Variants in WBP4 observed in about 807,000 individuals in gnomAD.
The protein encoded by WBP4 is WW domain-binding protein 4.
Under a neutral mutation model 55.4 loss-of-function variants are expected in WBP4, and 37 were observed. The observed-to-expected ratio is 0.67, with a 90% CI of 0.51 to 0.88. The LOEUF (loss-of-function observed/expected upper bound fraction) is 0.88. Among genes scored for constraint, WBP4 ranks in the 40% least tolerant of loss-of-function variants. The pLI is 0.00. For missense variants in WBP4, 398 were observed against 420.8 expected (o/e 0.95, Z 0.47); for synonymous variants, 142 against 140.2 (o/e 1.01, Z -0.09).
chr13:41,068,734 G>A lies in WBP4; in HGVS notation c.436G>A (p.Gly146Arg), dbSNP rs759182059. ...CCATTACTATTATGATCTTATCTCA[G>A]GAGGTAAGTCATTTAGGCATAAAAC... Reference protein sequence around the residue: ...GYHYYYDLISGASQWEKPEGF... With the variant: ...GYHYYYDLISRASQWEKPEGF... The change falls in exon 5 of 10, where the codon GGA becomes AGA. Residue 146 changes from glycine to arginine, a missense_variant. Gly to Arg is a moderately radical substitution (Grantham distance 125, BLOSUM62 -2). Transcript: ENST00000379487. 1.6e-5 allele frequency: 26 copies of A among 1,583,432 alleles called. No homozygotes were observed. Among genetic ancestry groups the A allele is most frequent in the Non-Finnish European group, 2.1e-5 (24 of 1,166,830 alleles).
Position 41,082,688 on chromosome 13 carries a change from T to G in WBP4, c.921-16T>G. ...TTACCCTGTCAAATAGAGTTTTACT[T>G]TAACTCTATTTCCAGTGAGGAGGTA... is the stretch of plus-strand genomic sequence containing the variant. On this transcript the variant is annotated splice_polypyrimidine_tract_variant and intron_variant, in intron 9 of 9. Transcript: ENST00000379487. 1 of 1,609,920 alleles carries G rather than the reference T, an allele frequency of 6.2e-7. No individual in the cohort carries two copies. The highest frequency in any genetic ancestry group is 8.5e-7 in the Non-Finnish European group (1 of 1,176,690).
chr13:41,080,766 C>G lies in WBP4; in HGVS notation c.877C>G (p.Pro293Ala), dbSNP rs138734404. 63 of 1,606,982 alleles carry G rather than the reference C, an allele frequency of 3.9e-5. No homozygotes were observed. In the African/African-American group the frequency reaches 8.3e-4, roughly 21 times the overall value. ...EKSKTLKKSNPYGEWQEIKQE... is the reference protein window; with the variant it reads ...EKSKTLKKSNAYGEWQEIKQE... ...ATCGAAAACTCTTAAGAAATCAAAC[C>G]CATATGGAGAATGGCAAGAAATTAA... Residue 293 changes from proline to alanine, a missense_variant, in exon 9 of 10, where the codon CCA (proline) becomes GCA (alanine). Pro to Ala is a conservative substitution (Grantham distance 27). Transcript: ENST00000379487.
chr13:41,081,834 A>G (rs1024315449), intron 9 of WBP4, among the ~76,000 whole-genome samples: 1 of 152,218 alleles, frequency 6.6e-6, no homozygotes, highest in Admixed American at 6.5e-5. Flanking sequence ...AATCCTTGGA[A>G]TAGATTGCCT....
rs201490842 is a variant in WBP4 at position 41,062,732 on chromosome 13, T to G, written c.75+16T>G. Reference sequence around the variant, plus strand: ...CAATAGGCCTGTATGATAATTCCGCTGTTAGAGATTCTAATAATAATTGTG... The same window carrying G: ...CAATAGGCCTGTATGATAATTCCGCGGTTAGAGATTCTAATAATAATTGTG... On this transcript the variant is annotated intron_variant, in intron 2 of 9. Transcript: ENST00000379487. 176 of 1,593,972 alleles carry G rather than the reference T, an allele frequency of 1.1e-4. 2 individuals carry two copies. The East Asian group carries it at 2.4e-3, about 22-fold the overall frequency.
At chr13:41,069,289 G>T (rs1392706994) in intron 5 of WBP4, among the ~76,000 whole-genome samples, 1 of 152,068 alleles carries the variant, frequency 6.6e-6, no homozygotes, top group African/African-American at 2.4e-5. Flanking sequence ...CACTTTTGAG[G>T]GGCCGAGGAG....
intron 8 of WBP4, 28 bp downstream of exon 8, chr13:41,076,265 T>G (rs1878483458): frequency 1.7e-6 from 1 of 577,908 alleles, no homozygotes; most frequent in Non-Finnish European, 2.8e-6. Context: ...ACTCTTCACA[T>G]CAAATTTTTT....
At chr13:41,081,908 C>T (rs1482698629) in intron 9 of WBP4, among the ~76,000 whole-genome samples, 1 of 152,224 alleles carries the variant, frequency 6.6e-6, no homozygotes, top group Non-Finnish European at 1.5e-5. Context: ...ACGCTCTCAG[C>T]TACTTAAACA....
At chr13:41,074,211 G>A (rs375017202) in intron 7 of WBP4, among the ~76,000 whole-genome samples, 5 of 152,190 alleles carry the variant, frequency 3.3e-5, no homozygotes, top group South Asian at 2.1e-4. Flanking sequence ...GATTACAGGC[G>A]TGAGCCACCG....
intron 8 of WBP4, among the ~76,000 whole-genome samples, 184 bp downstream of exon 8, chr13:41,076,421 G>GGT (rs1449167337): frequency 1.3e-5 from 2 of 151,792 alleles, no homozygotes; most frequent in Non-Finnish European, 2.9e-5. Flanking sequence ...TGGGACTACA[G>GGT]GTGTGTGCCA....
intron 8 of WBP4, among the ~76,000 whole-genome samples, chr13:41,078,339 A>G (rs1210899573): frequency 2.6e-5 from 4 of 152,222 alleles, no homozygotes; most frequent in African/African-American, 4.8e-5. Context: ...ATAAAGCCAC[A>G]TACCTACAAC....
chr13:41,071,477 AT>A (rs1157591943), intron 5 of WBP4, 49 bp from the exon 6 acceptor site: 2 of 1,545,376 alleles, frequency 1.3e-6, no homozygotes, highest in East Asian at 2.3e-5. Context: ...TTTGGAAAGT[AT>A]TTTTTTAAAG....
At chr13:41,067,648 C>T (rs543688453) in intron 4 of WBP4, among the ~76,000 whole-genome samples, 1 of 152,236 alleles carries the variant, frequency 6.6e-6, no homozygotes, top group African/African-American at 2.4e-5. Context: ...ATGATTGCAC[C>T]ACTGCACTCC....
At chr13:41,071,622 T>A (rs1369461142) in intron 6 of WBP4, 49 bp downstream of exon 6, 3 of 1,530,652 alleles carry the variant, frequency 2.0e-6, no homozygotes, top group Non-Finnish European at 2.7e-6. Context: ...TTACAGTGAT[T>A]CGTTTCTTAG....
At chr13:41,074,384 T>A (rs9566683) in intron 7 of WBP4, among the ~76,000 whole-genome samples, 1 of 152,208 alleles carries the variant, frequency 6.6e-6, no homozygotes, top group Non-Finnish European at 1.5e-5. Context: ...TTAAATCTTT[T>A]AGGAAGAAAA....
intron 8 of WBP4, among the ~76,000 whole-genome samples, chr13:41,076,547 C>CT (rs1376128541): frequency 1.3e-5 from 2 of 152,060 alleles, no homozygotes; most frequent in Admixed American, 1.3e-4. Flanking sequence ...TCCCAAAGTG[C>CT]TGGGATTACA....
In WBP4 at chr13:41,080,202, G is replaced by C. The variant is rs555917073; in HGVS notation, c.757-444G>C. 3.9e-5 allele frequency among the ~76,000 whole-genome samples: 6 copies of C among 152,186 alleles called. No individual in the cohort carries two copies. In the South Asian group the frequency reaches 1.2e-3, roughly 32 times the overall value. On this transcript the variant is annotated intron_variant, in intron 8 of 9. Transcript: ENST00000379487. ...AGAAATACGCATTTGTGCCCCCTAAGTTATTTTTTAAAAGATAAATTATAG... is the reference window on the plus strand; with the variant it reads ...AGAAATACGCATTTGTGCCCCCTAACTTATTTTTTAAAAGATAAATTATAG...
intron 4 of WBP4, among the ~76,000 whole-genome samples, chr13:41,067,891 T>G (rs1566209414): frequency 6.6e-6 from 1 of 152,186 alleles, no homozygotes; most frequent in Non-Finnish European, 1.5e-5. Flanking sequence ...TTAACATTAT[T>G]TTACTTTGTG....
intron 4 of WBP4, among the ~76,000 whole-genome samples, 176 bp from the exon 5 acceptor site, chr13:41,068,385 A>G (rs144234065): frequency 4.5e-4 from 68 of 152,066 alleles, no homozygotes; most frequent in African/African-American, 1.5e-3. Flanking sequence ...TTTTCTTTTT[A>G]TTACAGTTTT....
chr13:41,066,341 C>A (rs1877972924), intron 4 of WBP4, among the ~76,000 whole-genome samples: 1 of 152,150 alleles, frequency 6.6e-6, no homozygotes. Flanking sequence ...TTCAAACATA[C>A]AACAATGCAG....
Sources: allele counts gnomAD v4.1 joint callset (sites outside exome capture counted in the v4.1 genomes callset), GRCh38; gene constraint gnomAD v4.1.1; transcripts MANE v1.5; gene names NCBI Gene and HGNC (gene_info 2026-07-23, HGNC 2026-07-21).